ITSN1: variants seen among roughly 807,000 people sequenced by gnomAD.
ITSN1 encodes the protein intersectin 1.
In ITSN1, 58 loss-of-function variants were observed where a neutral mutation model predicts 239.8. That is an observed-to-expected ratio of 0.24 (90% CI 0.20 to 0.30). ITSN1 has a LOEUF of 0.30. ITSN1 is among the 10% of genes least tolerant of loss of function. The pLI is 1.00. For synonymous variants in ITSN1, 780 were observed against 770.8 expected, an observed-to-expected ratio of 1.01 and a Z score of -0.20; for missense variants, 1,558 against 2,103.3, an observed-to-expected ratio of 0.74 and a Z score of 5.07.
At chr21:33,773,527 A>G (rs1483388986) in intron 12 of ITSN1, among the ~76,000 whole-genome samples, 1 of 152,042 alleles carries the variant, frequency 6.6e-6, no homozygotes, top group Non-Finnish European at 1.5e-5. Flanking sequence ...AAATAGCCTG[A>G]GTGCTGTGCC....
chr21:33,803,050 A>G (rs911118341), intron 20 of ITSN1, among the ~76,000 whole-genome samples: 1 of 152,262 alleles, frequency 6.6e-6, no homozygotes, highest in African/African-American at 2.4e-5. Flanking sequence ...GTAAAAAGTC[A>G]GTTATTTAAA....
At chr21:33,868,229 C>T (rs1028572895) in intron 33 of ITSN1, among the ~76,000 whole-genome samples, 6 of 152,242 alleles carry the variant, frequency 3.9e-5, no homozygotes, top group Non-Finnish European at 1.5e-5. Flanking sequence ...ACGTCCCCAC[C>T]AGACTCAGGA....
At chr21:33,667,390 A>G (rs375150603) in intron 1 of ITSN1, among the ~76,000 whole-genome samples, 26 of 152,290 alleles carry the variant, frequency 1.7e-4, no homozygotes, top group Middle Eastern at 3.4e-3. Context: ...ATGTGCCAAT[A>G]ATGAAAAAGC....
chr21:33,681,929 A>G (rs902298823), intron 1 of ITSN1, among the ~76,000 whole-genome samples: 4 of 151,876 alleles, frequency 2.6e-5, no homozygotes, highest in Admixed American at 6.5e-5. Flanking sequence ...CGGCCTCCCA[A>G]AGTGCTGGGA....
chr21:33,708,568 G>A (rs960677231), intron 1 of ITSN1, among the ~76,000 whole-genome samples: 2 of 834 alleles, frequency 2.4e-3, no homozygotes, highest in African/African-American at 0.011. Flanking sequence ...TGTATTTTTA[G>A]TAGAGACGGG....
chr21:33,859,520 A>G (rs1165300767), intron 31 of ITSN1, among the ~76,000 whole-genome samples: 1 of 152,180 alleles, frequency 6.6e-6, no homozygotes, highest in Non-Finnish European at 1.5e-5. Context: ...AACACAGATT[A>G]AGTCACAGCC....
At chr21:33,687,148 A>G (rs1239069468) in intron 1 of ITSN1, among the ~76,000 whole-genome samples, 1 of 152,086 alleles carries the variant, frequency 6.6e-6, no homozygotes, top group East Asian at 1.9e-4. Context: ...CCTGGCCAAA[A>G]TGGTGAAACC....
At chr21:33,734,421 T>G (rs2066371981) in intron 4 of ITSN1, among the ~76,000 whole-genome samples, 1 of 152,182 alleles carries the variant, frequency 6.6e-6, no homozygotes, top group Non-Finnish European at 1.5e-5. Flanking sequence ...ACAAAATTGT[T>G]GAGTGATATG....
At chr21:33,680,387 A>C (rs1343288820) in intron 1 of ITSN1, among the ~76,000 whole-genome samples, 1 of 149,292 alleles carries the variant, frequency 6.7e-6, no homozygotes, top group Non-Finnish European at 1.5e-5. Flanking sequence ...GCTGGAATGC[A>C]ATGGCGCAAT....
intron 20 of ITSN1, among the ~76,000 whole-genome samples, chr21:33,806,827 T>C (rs1320894751): frequency 3.9e-5 from 6 of 152,234 alleles, no homozygotes; most frequent in Non-Finnish European, 7.3e-5. Context: ...TGTGTAAAAG[T>C]CCACGTTGGA....
chr21:33,705,470 C>T (rs2146882746), intron 1 of ITSN1, among the ~76,000 whole-genome samples: 1 of 152,250 alleles, frequency 6.6e-6, no homozygotes, highest in East Asian at 1.9e-4. Context: ...TCACTGCAAG[C>T]TCTGCCTCCT....
chr21:33,772,363 G>C, intron 12 of ITSN1, 40 bp downstream of exon 12: 1 of 1,545,288 alleles, frequency 6.5e-7, no homozygotes, highest in Non-Finnish European at 8.7e-7. Flanking sequence ...GTTAGTGTGC[G>C]ATCACCCCTT....
intron 1 of ITSN1, among the ~76,000 whole-genome samples, chr21:33,693,823 T>C (rs1026743967): frequency 3.3e-5 from 5 of 152,352 alleles, no homozygotes; most frequent in Non-Finnish European, 7.3e-5. Context: ...GGCACAGGGT[T>C]ATCTTATCTG....
chr21:33,759,777 A>T (rs1209540748), intron 8 of ITSN1, among the ~76,000 whole-genome samples: 1 of 152,212 alleles, frequency 6.6e-6, no homozygotes, highest in Non-Finnish European at 1.5e-5. Flanking sequence ...AGTAGCCCTA[A>T]TTGAAGACTA....
At chr21:33,836,720 T>C in intron 29 of ITSN1, 88 bp downstream of exon 29, 1 of 1,128,684 alleles carries the variant, frequency 8.9e-7, no homozygotes, top group Non-Finnish European at 1.3e-6. Context: ...TGAGCTTTGT[T>C]TGCAGAACTT....
At chr21:33,745,439 GCAGAATTGA>G (rs1457879228) in intron 5 of ITSN1, among the ~76,000 whole-genome samples, 1 of 152,162 alleles carries the variant, frequency 6.6e-6, no homozygotes, top group East Asian at 1.9e-4. Flanking sequence ...TCCCTCAAGG[GCAGAATTGA>G]CAGAATAACC....
intron 1 of ITSN1, among the ~76,000 whole-genome samples, chr21:33,716,763 C>T (rs921619840): frequency 2.6e-5 from 4 of 151,196 alleles, no homozygotes; most frequent in Non-Finnish European, 5.9e-5. Context: ...ACCAGCCTGG[C>T]CAACATGGTG....
At chr21:33,671,597 C>G (rs1360502300) in intron 1 of ITSN1, among the ~76,000 whole-genome samples, 2 of 151,870 alleles carry the variant, frequency 1.3e-5, no homozygotes, top group African/African-American at 2.4e-5. Flanking sequence ...TAAAAAATAA[C>G]TTACAATACA....
chr21:33,801,603 G>A (rs1280331907), intron 19 of ITSN1, among the ~76,000 whole-genome samples: 2 of 152,062 alleles, frequency 1.3e-5, no homozygotes, highest in Non-Finnish European at 2.9e-5. Context: ...GCTCAGAGGC[G>A]TGTGCCACCA....
Sources: gnomAD v4.1 joint callset for allele counts (sites outside exome capture counted in the v4.1 genomes callset) on GRCh38, gnomAD v4.1.1 for gene constraint, MANE v1.5 for transcripts, NCBI Gene and HGNC (gene_info 2026-07-23, HGNC 2026-07-21) for gene names.